KATNIP: variants seen among roughly 807,000 people sequenced by gnomAD.
KATNIP encodes katanin interacting protein, also known as katanin-interacting protein.
Under a neutral mutation model 174.0 loss-of-function variants are expected in KATNIP, and 126 were observed. The ratio of observed to expected loss-of-function variants is 0.72; its 90% confidence interval spans 0.63 to 0.84. The LOEUF (loss-of-function observed/expected upper bound fraction) is 0.84. Ranked by LOEUF, KATNIP falls within the 40% of genes least tolerant of loss-of-function variation. The pLI is 0.00. For missense variants in KATNIP, 1,958 were observed against 2,109.7 expected (o/e 0.93, Z 1.41); for synonymous variants, 810 against 835.7 (o/e 0.97, Z 0.53).
At chr16:27,625,892 C>T (rs986193722) in intron 3 of KATNIP, among the ~76,000 whole-genome samples, 3 of 151,670 alleles carry the variant, frequency 2.0e-5, no homozygotes, top group South Asian at 2.1e-4. Context: ...GTCTGTCACC[C>T]GGGCTGGAGT....
chr16:27,640,147 G>A (rs187009337), intron 5 of KATNIP, among the ~76,000 whole-genome samples: 32 of 152,350 alleles, frequency 2.1e-4, no homozygotes, highest in Admixed American at 2.0e-3. Flanking sequence ...AAATAAGCTG[G>A]CCTTGGGTTG....
chr16:27,671,535 C>G (rs757344650), intron 6 of KATNIP, among the ~76,000 whole-genome samples: 1 of 152,172 alleles, frequency 6.6e-6, no homozygotes, highest in Non-Finnish European at 1.5e-5. Context: ...CTAAAGGATA[C>G]ATTCCTGGAA....
chr16:27,760,787 C>G (rs908446153), intron 18 of KATNIP, among the ~76,000 whole-genome samples: 3 of 152,180 alleles, frequency 2.0e-5, no homozygotes, highest in African/African-American at 7.2e-5. Flanking sequence ...CACGCGATTA[C>G]AGCAGTGACC....
At chr16:27,583,990 T>C (rs569170092) in intron 2 of KATNIP, among the ~76,000 whole-genome samples, 3 of 152,094 alleles carry the variant, frequency 2.0e-5, no homozygotes, top group East Asian at 3.9e-4. Flanking sequence ...TTTAAAAGGT[T>C]TGGGGATGAA....
intron 6 of KATNIP, among the ~76,000 whole-genome samples, chr16:27,674,374 A>C (rs186225787): frequency 6.6e-6 from 1 of 152,358 alleles, no homozygotes; most frequent in Admixed American, 6.5e-5. Flanking sequence ...TATAATAATA[A>C]AAAATAAAAT....
intron 14 of KATNIP, among the ~76,000 whole-genome samples, chr16:27,724,583 G>A (rs531684478): frequency 9.2e-5 from 14 of 152,280 alleles, no homozygotes; most frequent in South Asian, 2.1e-4. Context: ...TGAGAGCCGA[G>A]GTCTTTCCAC....
At position 27,652,881 on chromosome 16, in the gene KATNIP, TG is replaced by T. The variant is rs2077160050; in HGVS notation, c.540+4147del. Among the ~76,000 whole-genome samples, 10 of 152,134 alleles carry T rather than the reference TG, an allele frequency of 6.6e-5. No individual in the cohort carries two copies. The South Asian group carries it at 2.1e-3, about 32-fold the overall frequency. On this transcript the variant is annotated intron_variant, in intron 6 of 27. Transcript: ENST00000261588. ...ACAAAGTTTACGTTTTAAAAAATTA[TG>T]ATACTTATTTTCCTGATAATGCATA...
chr16:27,770,549 G>A (rs1161091494), intron 21 of KATNIP, among the ~76,000 whole-genome samples: 1 of 152,212 alleles, frequency 6.6e-6, no homozygotes, highest in East Asian at 1.9e-4. Context: ...GAGTTTCCCT[G>A]CACTGTAGCG....
chr16:27,759,532 G>A (rs2081873395), intron 18 of KATNIP, among the ~76,000 whole-genome samples: 1 of 152,224 alleles, frequency 6.6e-6, no homozygotes, highest in African/African-American at 2.4e-5. Flanking sequence ...AGCTCTGGGT[G>A]AGCCAGCTTG....
At chr16:27,580,674 T>G (rs1029906487) in intron 2 of KATNIP, among the ~76,000 whole-genome samples, 1 of 151,168 alleles carries the variant, frequency 6.6e-6, no homozygotes, top group Admixed American at 6.6e-5. Flanking sequence ...ATTCCCCTCA[T>G]GCAATACACA....
intron 24 of KATNIP, among the ~76,000 whole-genome samples, chr16:27,775,749 C>T (rs535555809): frequency 1.3e-4 from 20 of 152,302 alleles, no homozygotes; most frequent in African/African-American, 4.1e-4. Flanking sequence ...AGATGCACAG[C>T]GGGTTCTTGG....
intron 19 of KATNIP, among the ~76,000 whole-genome samples, chr16:27,761,816 G>T (rs2081965852): frequency 6.6e-6 from 1 of 152,164 alleles, no homozygotes; most frequent in Non-Finnish European, 1.5e-5. Context: ...GTGTCAGGCG[G>T]GATTTGAAGG....
intron 14 of KATNIP, among the ~76,000 whole-genome samples, chr16:27,725,367 A>G (rs1375299365): frequency 2.0e-5 from 3 of 152,196 alleles, no homozygotes; most frequent in Non-Finnish European, 4.4e-5. Context: ...GATGGGAAAC[A>G]GCTTGCTGGA....
At chr16:27,558,549 G>A (rs1395924995) in intron 1 of KATNIP, among the ~76,000 whole-genome samples, 1 of 152,182 alleles carries the variant, frequency 6.6e-6, no homozygotes, top group African/African-American at 2.4e-5. Flanking sequence ...TTTCAACATG[G>A]GAGTCCTTAG....
intron 12 of KATNIP, among the ~76,000 whole-genome samples, chr16:27,705,162 C>G (rs1293067967): frequency 6.6e-6 from 1 of 152,124 alleles, no homozygotes; most frequent in Non-Finnish European, 1.5e-5. Flanking sequence ...CCACCCACCT[C>G]GGCCTCCCAA....
At chr16:27,609,653 G>A (rs1455104467) in intron 2 of KATNIP, among the ~76,000 whole-genome samples, 1 of 150,876 alleles carries the variant, frequency 6.6e-6, no homozygotes, top group Non-Finnish European at 1.5e-5. Flanking sequence ...GCCTCCCAAA[G>A]TGCTGGGATT....
At chr16:27,619,218 G>T (rs1452904823) in intron 3 of KATNIP, among the ~76,000 whole-genome samples, 1 of 152,200 alleles carries the variant, frequency 6.6e-6, no homozygotes, top group East Asian at 1.9e-4. Flanking sequence ...GGATACCTGA[G>T]CTCCTGTCTC....
At chr16:27,705,843 T>C (rs1258437592) in intron 12 of KATNIP, among the ~76,000 whole-genome samples, 5 of 151,958 alleles carry the variant, frequency 3.3e-5, no homozygotes, top group African/African-American at 4.8e-5. Context: ...ACCTGGCTGT[T>C]TTTTAAAAAA....
chr16:27,563,462 G>A (rs1045945683), intron 1 of KATNIP, among the ~76,000 whole-genome samples: 3 of 152,104 alleles, frequency 2.0e-5, no homozygotes, highest in African/African-American at 7.2e-5. Context: ...AGGCTGCAGT[G>A]AGCTGTGATC....
Sources: gnomAD v4.1 joint callset for allele counts (sites outside exome capture counted in the v4.1 genomes callset) on GRCh38, gnomAD v4.1.1 for gene constraint, MANE v1.5 for transcripts, NCBI Gene and HGNC (gene_info 2026-07-23, HGNC 2026-07-21) for gene names.